The following ACTN4 variants were observed in gnomAD, a reference collection of about 807,000 sequenced individuals.
ACTN4 encodes the protein alpha-actinin-4.
In ACTN4, 18 loss-of-function variants were observed where a neutral mutation model predicts 114.2. The ratio of observed to expected loss-of-function variants is 0.16; its 90% confidence interval spans 0.11 to 0.23. ACTN4 has a LOEUF of 0.23. ACTN4 is among the 10% of genes least tolerant of loss of function. The pLI is 1.00. For missense variants in ACTN4, 722 were observed against 1,262.9 expected, an observed-to-expected ratio of 0.57 and a Z score of 6.49; for synonymous variants, 515 against 506.3, an observed-to-expected ratio of 1.02 and a Z score of -0.23.
intron 1 of ACTN4, among the ~76,000 whole-genome samples, chr19:38,674,429 A>G (rs1967310167): frequency 6.6e-6 from 1 of 152,158 alleles, no homozygotes; most frequent in African/African-American, 2.4e-5. Context: ...CGTGCTAGTC[A>G]CTGTTTTAGG....
intron 1 of ACTN4, among the ~76,000 whole-genome samples, chr19:38,670,113 T>A (rs1016741633): frequency 6.6e-6 from 1 of 152,158 alleles, no homozygotes; most frequent in Admixed American, 6.5e-5. Context: ...CTCCTCCATA[T>A]GCCCCTCCCA....
chr19:38,688,389 C>G (rs1174304538), intron 1 of ACTN4, among the ~76,000 whole-genome samples: 1 of 33,204 alleles, frequency 3.0e-5, no homozygotes, highest in African/African-American at 7.2e-5. Context: ...CTTGTCTCTA[C>G]CAAAAAAAAA....
intron 1 of ACTN4, among the ~76,000 whole-genome samples, chr19:38,656,248 G>A (rs937209369): frequency 6.6e-6 from 1 of 152,142 alleles, no homozygotes; most frequent in Non-Finnish European, 1.5e-5. Flanking sequence ...AAGTAGCTGG[G>A]ACTAGAGGTG....
intron 1 of ACTN4, among the ~76,000 whole-genome samples, chr19:38,652,212 C>T (rs1976584291): frequency 1.3e-5 from 2 of 152,060 alleles, no homozygotes; most frequent in Non-Finnish European, 2.9e-5. Flanking sequence ...CAAACTCAAA[C>T]TCAACTGTTA....
rs1248034100 is a variant in ACTN4 at position 38,730,786 on chromosome 19, A to C, written c.*1354A>C. 7 of 1,538,524 alleles carry C rather than the reference A, an allele frequency of 4.5e-6. No individual in the cohort carries two copies. The highest frequency in any genetic ancestry group is 6.2e-6 in the Non-Finnish European group (7 of 1,137,568). ...GAGAGAGTGGCACCCATGCCAGGCA[A>C]GGCCTAGGGAGGTGGTCTTGCTCAG... On this transcript the variant is annotated 3_prime_UTR_variant, in exon 21 of 21. Coordinates refer to ENST00000252699, the MANE Select transcript of ACTN4 (RefSeq NM_004924.6).
intron 1 of ACTN4, among the ~76,000 whole-genome samples, chr19:38,650,171 C>T (rs1425317526): frequency 6.6e-6 from 1 of 152,096 alleles, no homozygotes; most frequent in African/African-American, 2.4e-5. Flanking sequence ...AAAATAAACC[C>T]CTCCCCCTTT....
At chr19:38,707,215 G>A (rs1413123742) in intron 5 of ACTN4, among the ~76,000 whole-genome samples, 3 of 151,838 alleles carry the variant, frequency 2.0e-5, no homozygotes, top group Non-Finnish European at 2.9e-5. Flanking sequence ...CTAACTGACT[G>A]AATCTTTCTA....
rs535500411 is a variant in ACTN4 at position 38,720,124 on chromosome 19, C to T, written c.1292-1414C>T. The stretch of plus-strand genomic sequence containing the variant: ...GGCCCTCCACACCCCAGGGTCTGGT[C>T]GTAGCGGCCTCCTCCGCCCTGGGGT... On this transcript the variant is annotated intron_variant, in intron 11 of 20. Transcript: ENST00000252699. Among the ~76,000 whole-genome samples, 21 of 152,330 alleles carry T rather than the reference C, an allele frequency of 1.4e-4. No individual in the cohort carries two copies. In the South Asian group the frequency reaches 3.7e-3, roughly 27 times the overall value.
At chr19:38,665,330 A>C (rs1451347250) in intron 1 of ACTN4, among the ~76,000 whole-genome samples, 3 of 152,152 alleles carry the variant, frequency 2.0e-5, no homozygotes, top group African/African-American at 4.8e-5. Flanking sequence ...TCCTTCTTTG[A>C]AAAGGGGCAT....
chr19:38,670,400 C>T (rs1250050140), intron 1 of ACTN4, among the ~76,000 whole-genome samples: 1 of 152,160 alleles, frequency 6.6e-6, no homozygotes, highest in Non-Finnish European at 1.5e-5. Context: ...GTCATTTGGA[C>T]CCTTGTGAGG....
intron 1 of ACTN4, among the ~76,000 whole-genome samples, chr19:38,660,460 T>C (rs1976851116): frequency 6.6e-6 from 1 of 151,838 alleles, no homozygotes; most frequent in Non-Finnish European, 1.5e-5. Context: ...CAATGGCGTG[T>C]TCTTGGCTCA....
At chr19:38,710,171 G>A (rs1313042261) in intron 7 of ACTN4, 86 bp from the exon 8 acceptor site, 2 of 1,424,098 alleles carry the variant, frequency 1.4e-6, no homozygotes, top group African/African-American at 1.4e-5. Context: ...CCAAGGCCGT[G>A]GCCTTGGGAG....
Position 38,718,250 on chromosome 19 carries a change from G to C in ACTN4, c.1291+176G>C, listed in dbSNP as rs989934128. The C allele has an allele frequency of 8.9e-6, 10 of 1,121,556 alleles. No individual in the cohort carries two copies. In the East Asian group the frequency reaches 2.1e-4, roughly 23 times the overall value. 69.5% of individuals were successfully genotyped at this position (1,121,556 alleles called of 1,614,324 possible). A position where few individuals can be genotyped will look rare whatever the true frequency, so the allele number is the denominator to read the frequency against. ...TGTCAGAAATGCTGCTTTAGAGCCA[G>C]GTTCAGTGGCTCACACCTGTAATCC... is the stretch of plus-strand genomic sequence containing the variant. On this transcript the variant is annotated intron_variant, in intron 11 of 20. Transcript: ENST00000252699.
rs139807127 is a variant in ACTN4 at position 38,694,973 on chromosome 19, C to G, written c.163-5627C>G. On this transcript the variant is annotated intron_variant, in intron 1 of 20. Transcript: ENST00000252699. ...TACTGCAACCTCTGCCTCTCAGGCA[C>G]AAGCTGTCTTCCCACCTCAGCCTCT... 7.6e-4 allele frequency among the ~76,000 whole-genome samples: 116 copies of G among 152,346 alleles called. 2 individuals carry two copies. The East Asian group carries it at 0.021, about 28-fold the overall frequency.
chr19:38,726,257 C>T (rs993941535), intron 17 of ACTN4, among the ~76,000 whole-genome samples: 3 of 146,556 alleles, frequency 2.0e-5, no homozygotes, highest in East Asian at 2.0e-4. Context: ...CACCACACTT[C>T]GGTCTGGGTG....
chr19:38,699,627 C>T (rs62119105), intron 1 of ACTN4, among the ~76,000 whole-genome samples: 8,529 of 152,132 alleles, frequency 0.056, 254 homozygotes, highest in South Asian at 0.096. Flanking sequence ...TGTTGGCATA[C>T]ACCCGTAGTC....
At chr19:38,694,686 C>T (rs987294867) in intron 1 of ACTN4, among the ~76,000 whole-genome samples, 4 of 152,202 alleles carry the variant, frequency 2.6e-5, no homozygotes, top group African/African-American at 7.2e-5. Context: ...GTCTGTGTGA[C>T]ATTAAGCAAG....
intron 1 of ACTN4, among the ~76,000 whole-genome samples, chr19:38,685,074 T>C (rs1190943553): frequency 6.6e-6 from 1 of 152,210 alleles, no homozygotes; most frequent in East Asian, 1.9e-4. Flanking sequence ...GACTCCCAAG[T>C]AGCTGTGATT....
chr19:38,718,682 C>G (rs1202550183), intron 11 of ACTN4, among the ~76,000 whole-genome samples: 1 of 152,214 alleles, frequency 6.6e-6, no homozygotes, highest in Non-Finnish European at 1.5e-5. Context: ...GCCAAGCCCC[C>G]TCCAGCACTT....
Sources: gnomAD v4.1 joint callset for allele counts (sites outside exome capture counted in the v4.1 genomes callset) on GRCh38, gnomAD v4.1.1 for gene constraint, MANE v1.5 for transcripts, NCBI Gene and HGNC (gene_info 2026-07-23, HGNC 2026-07-21) for gene names.